PRKD1: variants seen among roughly 807,000 people sequenced by gnomAD.
The protein encoded by PRKD1 is serine/threonine-protein kinase D1.
Under a neutral mutation model 95.9 loss-of-function variants are expected in PRKD1, and 63 were observed. The ratio of observed to expected loss-of-function variants is 0.66; its 90% CI spans 0.54 to 0.81. PRKD1 has a LOEUF of 0.81. Among genes scored for constraint, PRKD1 ranks in the 30% least tolerant of loss-of-function variants. The pLI is 0.00. For synonymous variants in PRKD1, 425 were observed against 423.1 expected (o/e 1.00, Z -0.05); for missense variants, 1,048 against 1,165.3 (o/e 0.90, Z 1.47).
intron 13 of PRKD1, among the ~76,000 whole-genome samples, chr14:29,603,760 A>T (rs1203612312): frequency 6.6e-6 from 1 of 152,208 alleles, no homozygotes; most frequent in Non-Finnish European, 1.5e-5. Flanking sequence ...GTGTGCAAAA[A>T]GAGTTTTGCC....
chr14:29,902,964 G>C (rs1894369938), intron 1 of PRKD1, among the ~76,000 whole-genome samples: 1 of 152,196 alleles, frequency 6.6e-6, no homozygotes, highest in Non-Finnish European at 1.5e-5. Context: ...CAAATGAAAA[G>C]TGGGAACAGA....
intron 16 of PRKD1, among the ~76,000 whole-genome samples, chr14:29,584,672 A>G (rs1475648447): frequency 6.6e-6 from 1 of 152,200 alleles, no homozygotes; most frequent in Non-Finnish European, 1.5e-5. Flanking sequence ...CCATTTTCTT[A>G]GCTCTAAGTT....
At chr14:29,778,515 T>C (rs958372935) in intron 1 of PRKD1, among the ~76,000 whole-genome samples, 4 of 152,098 alleles carry the variant, frequency 2.6e-5, no homozygotes, top group African/African-American at 9.7e-5. Context: ...AACATCTCTA[T>C]GCAAATAAAC....
chr14:29,669,875 A>AAAAAAC (rs1354340126), intron 2 of PRKD1, among the ~76,000 whole-genome samples: 2 of 152,200 alleles, frequency 1.3e-5, no homozygotes, highest in Non-Finnish European at 2.9e-5. Flanking sequence ...CTCAAAAAAC[A>AAAAAAC]AAAAACAAAA....
intron 13 of PRKD1, among the ~76,000 whole-genome samples, chr14:29,601,182 T>C (rs1893503443): frequency 6.6e-6 from 1 of 152,110 alleles, no homozygotes; most frequent in African/African-American, 2.4e-5. Flanking sequence ...GCAGAAGGGG[T>C]TGTGGGTGAG....
chr14:29,696,133 CG>C (rs1302559401), intron 2 of PRKD1, among the ~76,000 whole-genome samples: 2 of 151,980 alleles, frequency 1.3e-5, no homozygotes, highest in Non-Finnish European at 2.9e-5. Context: ...TAGAGTGACT[CG>C]GGATAGTCTA....
At chr14:29,911,816 T>C (rs915669793) in intron 1 of PRKD1, among the ~76,000 whole-genome samples, 4 of 152,216 alleles carry the variant, frequency 2.6e-5, no homozygotes, top group African/African-American at 9.6e-5. Flanking sequence ...AGTCAAAATG[T>C]GGTTCCTTCT....
chr14:29,859,345 A>C (rs545683523), intron 1 of PRKD1, among the ~76,000 whole-genome samples: 1 of 152,028 alleles, frequency 6.6e-6, no homozygotes, highest in East Asian at 1.9e-4. Flanking sequence ...GTGGTGGCTC[A>C]CACCTGTAAT....
At chr14:29,663,919 A>G (rs564604363) in intron 3 of PRKD1, 60 bp from the exon 4 acceptor site, 4 of 1,514,940 alleles carry the variant, frequency 2.6e-6, no homozygotes, top group Non-Finnish European at 3.6e-6. Context: ...TGATTCCAAT[A>G]TTAGTGTAAA....
intron 1 of PRKD1, among the ~76,000 whole-genome samples, chr14:29,771,452 G>A (rs1594502738): frequency 6.6e-6 from 1 of 152,236 alleles, no homozygotes; most frequent in South Asian, 2.1e-4. Context: ...CCCCATGTTG[G>A]CTGCTCTTCC....
intron 1 of PRKD1, among the ~76,000 whole-genome samples, chr14:29,876,599 A>G (rs553308667): frequency 1.3e-5 from 2 of 152,120 alleles, no homozygotes; most frequent in African/African-American, 4.8e-5. Flanking sequence ...AAAGGCCATT[A>G]TCATGACAGT....
chr14:29,633,884 T>C (rs1176196988), intron 8 of PRKD1, among the ~76,000 whole-genome samples: 1 of 152,172 alleles, frequency 6.6e-6, no homozygotes. Context: ...AATCAGTCAA[T>C]TGTCAACTTA....
chr14:29,676,458 G>T (rs1057172822), intron 2 of PRKD1, among the ~76,000 whole-genome samples: 1 of 152,192 alleles, frequency 6.6e-6, no homozygotes, highest in South Asian at 2.1e-4. Context: ...AGGTTCAAGC[G>T]ATTCTCCCGC....
chr14:29,594,033 CAT>C (rs1721129696), intron 16 of PRKD1: 2 of 407,146 alleles, frequency 4.9e-6, no homozygotes, highest in Non-Finnish European at 4.8e-6. Context: ...ATTTCAAGAT[CAT>C]GAAACCTCTC....
intron 4 of PRKD1, among the ~76,000 whole-genome samples, chr14:29,656,872 A>G (rs995570265): frequency 6.6e-6 from 1 of 152,202 alleles, no homozygotes; most frequent in Non-Finnish European, 1.5e-5. Context: ...CCTTTAAGTG[A>G]AAGATTAGAT....
chr14:29,819,416 C>T (rs1220790899), intron 1 of PRKD1, among the ~76,000 whole-genome samples: 3 of 152,094 alleles, frequency 2.0e-5, no homozygotes, highest in Non-Finnish European at 2.9e-5. Flanking sequence ...GGGGGCCGGG[C>T]GCGGTGGCTC....
intron 2 of PRKD1, among the ~76,000 whole-genome samples, chr14:29,674,639 TC>T (rs1433640961): frequency 2.0e-5 from 3 of 152,182 alleles, no homozygotes; most frequent in African/African-American, 7.2e-5. Flanking sequence ...AAAGGTCAAA[TC>T]TATTTTTCTT....
intron 1 of PRKD1, among the ~76,000 whole-genome samples, chr14:29,920,587 T>TACACACACACAC (rs5807556): frequency 0.018 from 2,608 of 141,320 alleles, 76 homozygotes; most frequent in African/African-American, 0.061. Flanking sequence ...TCCAGTCTAA[T>TACACACACACAC]ACACACACAC....
At chr14:29,814,934 A>ACTGTGT (rs1890633641) in intron 1 of PRKD1, among the ~76,000 whole-genome samples, 2 of 152,198 alleles carry the variant, frequency 1.3e-5, no homozygotes, top group Non-Finnish European at 2.9e-5. Context: ...TTAATATTTA[A>ACTGTGT]ATAAGTGCCA....
Sources: gnomAD v4.1 joint callset for allele counts (sites outside exome capture counted in the v4.1 genomes callset) on GRCh38, gnomAD v4.1.1 for gene constraint, MANE v1.5 for transcripts, NCBI Gene and HGNC (gene_info 2026-07-23, HGNC 2026-07-21) for gene names.